SEMA5A: variants seen among roughly 807,000 people sequenced by gnomAD.
SEMA5A encodes the protein semaphorin-5A.
A neutral mutation model predicts 135.5 loss-of-function variants in SEMA5A; 55 were observed. The ratio of observed to expected loss-of-function variants is 0.41; its 90% CI spans 0.33 to 0.51. SEMA5A has a LOEUF of 0.51. Among genes scored for constraint, SEMA5A ranks in the 20% least tolerant of loss-of-function variants. The pLI is 0.37. For synonymous variants in SEMA5A, 580 were observed against 546.5 expected, an observed-to-expected ratio of 1.06 and a Z score of -0.85; for missense variants, 1,290 against 1,419.9, an observed-to-expected ratio of 0.91 and a Z score of 1.47.
At chr5:9,365,654 C>T (rs1754885153) in intron 3 of SEMA5A, among the ~76,000 whole-genome samples, 1 of 152,168 alleles carries the variant, frequency 6.6e-6, no homozygotes, top group African/African-American at 2.4e-5. Flanking sequence ...TCCATTCTCC[C>T]TTGCCAGACA....
chr5:9,118,205 T>A (rs565407955), intron 15 of SEMA5A, among the ~76,000 whole-genome samples: 12 of 152,324 alleles, frequency 7.9e-5, no homozygotes, highest in African/African-American at 2.9e-4. Context: ...TTCAATAAGT[T>A]TATATTAGTA....
At chr5:9,176,456 C>A (rs1031509457) in intron 11 of SEMA5A, among the ~76,000 whole-genome samples, 2 of 152,184 alleles carry the variant, frequency 1.3e-5, no homozygotes, top group Admixed American at 1.3e-4. Context: ...CCTAGTGAAA[C>A]CCTGAACGGA....
chr5:9,405,451 C>T (rs1756839300), intron 2 of SEMA5A, among the ~76,000 whole-genome samples: 1 of 152,176 alleles, frequency 6.6e-6, no homozygotes, highest in African/African-American at 2.4e-5. Flanking sequence ...CAGCTTCATT[C>T]AGTCTCATTG....
intron 12 of SEMA5A, among the ~76,000 whole-genome samples, chr5:9,140,359 C>A (rs1203381875): frequency 6.6e-6 from 1 of 152,172 alleles, no homozygotes; most frequent in East Asian, 1.9e-4. Flanking sequence ...ACTATCACAA[C>A]CAATGACTAA....
chr5:9,305,360 T>C (rs1199635633), intron 5 of SEMA5A, among the ~76,000 whole-genome samples: 1 of 152,164 alleles, frequency 6.6e-6, no homozygotes, highest in Non-Finnish European at 1.5e-5. Context: ...TAGTAATATC[T>C]TCTCTAATTT....
chr5:9,118,164 C>T (rs1215061205), intron 15 of SEMA5A, among the ~76,000 whole-genome samples: 1 of 152,074 alleles, frequency 6.6e-6, no homozygotes, highest in Non-Finnish European at 1.5e-5. Context: ...TATAAACCTG[C>T]TACATTTTAA....
At chr5:9,050,874 T>C (rs1263730139) in intron 20 of SEMA5A, among the ~76,000 whole-genome samples, 2 of 152,196 alleles carry the variant, frequency 1.3e-5, no homozygotes, top group Non-Finnish European at 2.9e-5. Flanking sequence ...GAGGGCCCAT[T>C]CACCAGAGCT....
rs181466007 is a variant in SEMA5A, at chr5:9,286,945, A to T, written c.270+31427T>A. Among the ~76,000 whole-genome samples, 425 of 152,284 alleles carry T rather than the reference A, an allele frequency of 2.8e-3. 3 individuals are homozygous for T. In the Middle Eastern group the frequency reaches 0.054, roughly 20 times the overall value. On this transcript the variant is annotated intron_variant, in intron 5 of 22. Transcript: ENST00000382496. ...TTTGGACTCTTCAATCTTTGAACAC[A>T]TTTCCTTTTTTAGTTGCAGGCAAAA...
At chr5:9,486,412 G>A (rs1356288868) in intron 1 of SEMA5A, among the ~76,000 whole-genome samples, 2 of 152,164 alleles carry the variant, frequency 1.3e-5, no homozygotes, top group African/African-American at 4.8e-5. Context: ...TGCACGTTCT[G>A]CACATGCATC....
intron 1 of SEMA5A, among the ~76,000 whole-genome samples, chr5:9,492,050 C>G (rs1735039235): frequency 1.3e-5 from 2 of 152,166 alleles, no homozygotes; most frequent in Non-Finnish European, 2.9e-5. Context: ...CATTCCTTCA[C>G]CCAAAAGCTA....
intron 2 of SEMA5A, among the ~76,000 whole-genome samples, chr5:9,383,407 A>G (rs1409985338): frequency 6.6e-6 from 1 of 152,222 alleles, no homozygotes; most frequent in Non-Finnish European, 1.5e-5. Context: ...TCCCACATCA[A>G]AACAGATCAG....
chr5:9,432,083 C>A (rs1024614158), intron 2 of SEMA5A, among the ~76,000 whole-genome samples: 5 of 152,154 alleles, frequency 3.3e-5, no homozygotes, highest in African/African-American at 1.2e-4. Context: ...AATTCCAATG[C>A]ATTCTGATGG....
intron 3 of SEMA5A, among the ~76,000 whole-genome samples, chr5:9,341,434 G>C (rs1198164425): frequency 6.6e-6 from 1 of 151,876 alleles, no homozygotes; most frequent in Non-Finnish European, 1.5e-5. Flanking sequence ...AGGGCAATTG[G>C]TCACAAACTA....
intron 5 of SEMA5A, among the ~76,000 whole-genome samples, chr5:9,315,935 T>C (rs1002148095): frequency 2.6e-5 from 4 of 152,204 alleles, no homozygotes; most frequent in African/African-American, 9.6e-5. Flanking sequence ...GTCATCAAAC[T>C]CTGACCCATA....
intron 1 of SEMA5A, among the ~76,000 whole-genome samples, chr5:9,482,508 A>G (rs1420620324): frequency 1.3e-5 from 2 of 152,158 alleles, no homozygotes; most frequent in Non-Finnish European, 2.9e-5. Flanking sequence ...CAGGCATACA[A>G]TAACAGGTGA....
intron 8 of SEMA5A, among the ~76,000 whole-genome samples, chr5:9,219,215 T>C (rs1746797710): frequency 6.6e-6 from 1 of 152,190 alleles, no homozygotes; most frequent in South Asian, 2.1e-4. Context: ...TAGTGCAGCA[T>C]TTCAGATGAG....
rs1239156008 is a variant in SEMA5A at position 9,275,158 on chromosome 5, C to T, written c.271-37268G>A. 4.6e-5 allele frequency among the ~76,000 whole-genome samples: 7 copies of T among 151,906 alleles called. No homozygotes were observed. In the South Asian group the frequency reaches 6.2e-4, roughly 14 times the overall value. ...AAAATGATAAAGGGTATATCACTAC[C>T]GATCCCACAGAAATGCAAACTACCA... On this transcript the variant is annotated intron_variant, in intron 5 of 22. Coordinates refer to ENST00000382496, the MANE Select transcript of SEMA5A (RefSeq NM_003966.3).
In SEMA5A at chr5:9,454,738, G is replaced by C. The variant is rs150134606; in HGVS notation, c.-174-16886C>G. Among the ~76,000 whole-genome samples, 517 of 152,276 alleles carry C rather than the reference G, an allele frequency of 3.4e-3. 4 individuals carry two copies. The highest frequency in any genetic ancestry group is 0.012 in the African/African-American group (492 of 41,548). Reference sequence around the variant, plus strand: ...TTCTCCTCTAGCAATGTTTTCCTCTGTATTATAATCTTAAGAACTATAACC... The same window carrying C: ...TTCTCCTCTAGCAATGTTTTCCTCTCTATTATAATCTTAAGAACTATAACC... On this transcript the variant is annotated intron_variant, in intron 1 of 22. Transcript: ENST00000382496.
chr5:9,257,878 C>G (rs1749165179), intron 5 of SEMA5A, among the ~76,000 whole-genome samples: 1 of 152,156 alleles, frequency 6.6e-6, no homozygotes, highest in Non-Finnish European at 1.5e-5. Flanking sequence ...CTAGACAGCT[C>G]TGTACCCAGT....
Sources: gnomAD v4.1 joint callset for allele counts (sites outside exome capture counted in the v4.1 genomes callset) on GRCh38, gnomAD v4.1.1 for gene constraint, MANE v1.5 for transcripts, NCBI Gene and HGNC (gene_info 2026-07-23, HGNC 2026-07-21) for gene names.